The following ITPR2 variants were observed in gnomAD, a reference collection of about 807,000 sequenced individuals.
ITPR2 encodes inositol 1,4,5-trisphosphate-gated calcium channel ITPR2.
A neutral mutation model predicts 317.1 loss-of-function variants in ITPR2; 207 were observed. That is an observed-to-expected ratio of 0.65 (90% CI 0.58 to 0.73). ITPR2 has a LOEUF of 0.73. ITPR2 is among the 30% of genes least tolerant of loss of function. The pLI is 0.00. For synonymous variants in ITPR2, 1,156 were observed against 1,149.1 expected (o/e 1.01, Z -0.12); for missense variants, 2,613 against 3,284.0 (o/e 0.80, Z 4.99).
At chr12:26,765,125 C>A (rs1228513394) in intron 2 of ITPR2, among the ~76,000 whole-genome samples, 2 of 152,018 alleles carry the variant, frequency 1.3e-5, no homozygotes, top group Non-Finnish European at 2.9e-5. Context: ...TTGAACAATA[C>A]CCACAGAATT....
At chr12:26,719,311 T>C (rs1948793815) in intron 5 of ITPR2, among the ~76,000 whole-genome samples, 1 of 152,224 alleles carries the variant, frequency 6.6e-6, no homozygotes, top group African/African-American at 2.4e-5. Flanking sequence ...AGAAGCTATG[T>C]ATTTAATATA....
At position 26,426,471 on chromosome 12, in the gene ITPR2, C is replaced by CATG. The variant is rs369986902; in HGVS notation, c.6945+1439_6945+1441dup. On this transcript the variant is annotated intron_variant, in intron 49 of 56. Transcript: ENST00000381340. ...AATGCCAGCTGTTAAAGTAGAGAAA[C>CATG]ATGGAGCTGGGAAGGAGTGAGGCAG... Among the ~76,000 whole-genome samples, 1,210 of 152,210 alleles carry CATG rather than the reference C, an allele frequency of 7.9e-3. 9 individuals are homozygous for CATG. The highest frequency in any genetic ancestry group is 0.024 in the Middle Eastern group (7 of 294).
chr12:26,473,801 T>C (rs1942349778), intron 45 of ITPR2, among the ~76,000 whole-genome samples: 1 of 152,166 alleles, frequency 6.6e-6, no homozygotes, highest in South Asian at 2.1e-4. Context: ...GGCTTCTCTT[T>C]CTCTCTAAAA....
chr12:26,576,404 T>C (rs1945277573), intron 34 of ITPR2, among the ~76,000 whole-genome samples: 1 of 152,214 alleles, frequency 6.6e-6, no homozygotes, highest in Admixed American at 6.5e-5. Context: ...TTTTTGTGTG[T>C]CCTTCTTTAT....
At chr12:26,393,467 C>T (rs902487683) in intron 54 of ITPR2, among the ~76,000 whole-genome samples, 2 of 151,052 alleles carry the variant, frequency 1.3e-5, no homozygotes, top group Non-Finnish European at 1.5e-5. Context: ...TGCTCAAGGT[C>T]CTTTAAGGGA....
intron 1 of ITPR2, 52 bp from the exon 2 acceptor site, chr12:26,790,279 C>T (rs757880135): frequency 1.5e-6 from 2 of 1,331,710 alleles, no homozygotes; most frequent in South Asian, 2.4e-5. Flanking sequence ...TATTCATAAA[C>T]CACAGACTGC....
intron 32 of ITPR2, among the ~76,000 whole-genome samples, chr12:26,593,748 T>G (rs76448729): frequency 0.1 from 15,022 of 149,938 alleles, 1,021 homozygotes; most frequent in South Asian, 0.17. Context: ...TTTTTTTTTT[T>G]GTGTTTTTCA....
At chr12:26,439,051 C>A in intron 47 of ITPR2, 76 bp downstream of exon 47, 1 of 846,468 alleles carries the variant, frequency 1.2e-6, no homozygotes, top group South Asian at 1.8e-5. Flanking sequence ...TTTAAATGAG[C>A]TGCATCATGT....
At chr12:26,605,451 C>T (rs547568979) in intron 26 of ITPR2, among the ~76,000 whole-genome samples, 18 of 152,144 alleles carry the variant, frequency 1.2e-4, no homozygotes, top group African/African-American at 4.3e-4. Flanking sequence ...ACTTGTACCA[C>T]AAACCAGGAT....
chr12:26,567,701 C>T (rs1365956433), intron 34 of ITPR2, among the ~76,000 whole-genome samples: 2 of 151,592 alleles, frequency 1.3e-5, no homozygotes, highest in Non-Finnish European at 2.9e-5. Context: ...AAATTCGCTG[C>T]ACTGTCCAAA....
At position 26,401,771 on chromosome 12, in the gene ITPR2, G is replaced by A. The variant is rs1042131686; in HGVS notation, c.7400-1513C>T. Reference sequence around the variant, plus strand: ...GCCTTTGATACTTCGTTAAGAAAAGGCTAATTTTCCTCTTCTGAGCCGACT... The same window carrying A: ...GCCTTTGATACTTCGTTAAGAAAAGACTAATTTTCCTCTTCTGAGCCGACT... On this transcript the variant is annotated intron_variant, in intron 52 of 56. Coordinates refer to ENST00000381340, the MANE Select transcript of ITPR2 (RefSeq NM_002223.4). 2.6e-5 allele frequency among the ~76,000 whole-genome samples: 4 copies of A among 152,172 alleles called. No homozygotes were observed. In the South Asian group the frequency reaches 8.3e-4, roughly 31 times the overall value.
At chr12:26,709,802 G>T (rs938724026) in intron 9 of ITPR2, among the ~76,000 whole-genome samples, 1 of 152,072 alleles carries the variant, frequency 6.6e-6, no homozygotes, top group Non-Finnish European at 1.5e-5. Flanking sequence ...AATGATTTTT[G>T]CTTCAATGAG....
intron 27 of ITPR2, 51 bp from the exon 28 acceptor site, chr12:26,602,546 T>C (rs772825602): frequency 3.2e-6 from 5 of 1,567,034 alleles, no homozygotes; most frequent in Admixed American, 1.7e-5. Context: ...CAATATTAAG[T>C]ATAATATATA....
intron 13 of ITPR2, among the ~76,000 whole-genome samples, chr12:26,672,001 T>A (rs1947784835): frequency 1.3e-5 from 2 of 151,992 alleles, no homozygotes; most frequent in Non-Finnish European, 2.9e-5. Flanking sequence ...AAGAGCTAAC[T>A]ATCCTAAATA....
chr12:26,709,095 A>C (rs533106108), intron 9 of ITPR2, among the ~76,000 whole-genome samples: 22 of 152,320 alleles, frequency 1.4e-4, no homozygotes, highest in Admixed American at 5.9e-4. Context: ...AGACATGAGC[A>C]CACCAGGATT....
intron 21 of ITPR2, among the ~76,000 whole-genome samples, chr12:26,637,707 T>C (rs966655038): frequency 5.3e-5 from 8 of 152,204 alleles, no homozygotes; most frequent in Non-Finnish European, 1.2e-4. Context: ...TCTTCTCCAT[T>C]TAATTATGTT....
chr12:26,584,256 T>C (rs1945467173), intron 32 of ITPR2, among the ~76,000 whole-genome samples: 1 of 152,136 alleles, frequency 6.6e-6, no homozygotes, highest in Admixed American at 6.6e-5. Context: ...TAAGGCAACA[T>C]TTCACAAAGA....
chr12:26,442,067 T>C (rs557968785), intron 46 of ITPR2, among the ~76,000 whole-genome samples: 67 of 152,202 alleles, frequency 4.4e-4, no homozygotes, highest in Admixed American at 2.7e-3. Context: ...GTGTTTTCTA[T>C]CCCACTCTCT....
intron 55 of ITPR2, among the ~76,000 whole-genome samples, chr12:26,341,662 T>C (rs1025764191): frequency 1.3e-5 from 2 of 152,262 alleles, no homozygotes; most frequent in African/African-American, 2.4e-5. Context: ...AGGTGAACAG[T>C]AACTTACTCT....
Sources: allele counts gnomAD v4.1 joint callset (sites outside exome capture counted in the v4.1 genomes callset), GRCh38; gene constraint gnomAD v4.1.1; transcripts MANE v1.5; gene names NCBI Gene and HGNC (gene_info 2026-07-23, HGNC 2026-07-21).